Variants in IMPDH2 observed in about 807,000 individuals in gnomAD.
The protein encoded by IMPDH2 is inosine-5'-monophosphate dehydrogenase 2.
Under a neutral mutation model 57.8 loss-of-function variants are expected in IMPDH2, and 33 were observed. The ratio of observed to expected loss-of-function variants is 0.57; its 90% confidence interval spans 0.43 to 0.76. The LOEUF is 0.76. IMPDH2 is among the 30% of genes least tolerant of loss of function. The probability of loss-of-function intolerance (pLI) is 0.00; values close to 1 mark genes in which losing one functional copy is unlikely to be tolerated. For missense variants in IMPDH2, 446 were observed against 659.1 expected, an observed-to-expected ratio of 0.68 and a Z score of 3.54; for synonymous variants, 270 against 241.3, an observed-to-expected ratio of 1.12 and a Z score of -1.10.
chr3:49,026,343 G>A lies in IMPDH2; in HGVS notation c.987C>T (p.Ser329=). Residue 329 remains serine (S), a synonymous_variant, in exon 9 of 14, where the codon TCC becomes TCT. Coordinates refer to ENST00000326739, the MANE Select transcript of IMPDH2 (RefSeq NM_000884.3). The part of the protein sequence containing the change: ...DALRVGMGSG[S]ICITQEVLAC... ...TCTTACCTTCCTGCGTAATGCAGAT[G>A]GAGCCACTTCCCATGCCCACCCGCA... 6.2e-7 allele frequency: 1 copy of A among 1,612,152 alleles called. No individual in the cohort carries two copies. Among genetic ancestry groups the A allele is most frequent in the Non-Finnish European group, 8.5e-7 (1 of 1,178,900 alleles).
chr3:49,027,624 CTATCAGAGATGTCT>C, intron 5 of IMPDH2, 72 bp downstream of exon 5: 1 of 1,109,324 alleles, frequency 9.0e-7, no homozygotes, highest in Non-Finnish European at 1.4e-6. Context: ...AGAGAAGAGG[CTATCAGAGATGTCT>C]TAGACAACAG....
At position 49,026,391 on chromosome 3, in the gene IMPDH2, G is replaced by C. The variant is rs2093199648; in HGVS notation, c.939C>G (p.Leu313=). 6.2e-7 allele frequency: 1 copy of C among 1,613,762 alleles called. No individual in the cohort carries two copies. The highest frequency in any genetic ancestry group is 1.1e-5 in the South Asian group (1 of 90,984). The part of the protein sequence containing the change: ...NVVTAAQAKN[L]IDAGVDALRV... Reference sequence around the variant, plus strand: ...GCAGGGCATCCACACCTGCATCAATGAGGTTCTTGGCCTGGGCAGCAGTGA... The same window carrying C: ...GCAGGGCATCCACACCTGCATCAATCAGGTTCTTGGCCTGGGCAGCAGTGA... The change falls in exon 9 of 14, where the codon CTC becomes CTG. Residue 313 remains leucine, a synonymous_variant. Transcript: ENST00000326739.
chr3:49,027,599 A>G (rs1392270679), intron 5 of IMPDH2, 111 bp downstream of exon 5: 2 of 936,818 alleles, frequency 2.1e-6, no homozygotes, highest in Non-Finnish European at 3.4e-6. Context: ...ACTTGGTTTG[A>G]CACTCCTTTC....
intron 9 of IMPDH2, chr3:49,025,471 C>T (rs2093194357): frequency 1.7e-6 from 1 of 601,920 alleles, no homozygotes; most frequent in South Asian, 1.9e-5. Flanking sequence ...TACTCACCCC[C>T]ACATGTGCAC....
intron 9 of IMPDH2, chr3:49,026,073 AAAAC>A (rs1457673375): frequency 3.6e-5 from 22 of 608,712 alleles, no homozygotes; most frequent in African/African-American, 1.1e-4. Flanking sequence ...GCCACTAAAT[AAAAC>A]AAACAGACCA....
chr3:49,029,224 T>C, intron 1 of IMPDH2, 29 bp downstream of exon 1: 1 of 1,544,662 alleles, frequency 6.5e-7, no homozygotes, highest in Non-Finnish European at 8.8e-7. Context: ...GCCCCTCTCT[T>C]CGCCCAGGTG....
chr3:49,028,976 C>G (rs1158651006), intron 1 of IMPDH2, 170 bp from the exon 2 acceptor site: 3 of 673,600 alleles, frequency 4.5e-6, no homozygotes, highest in Non-Finnish European at 8.1e-6. Context: ...GGGACCTTTT[C>G]TGCCACCGAG....
At chr3:49,028,903 C>G in intron 1 of IMPDH2, 97 bp from the exon 2 acceptor site, 1 of 950,618 alleles carries the variant, frequency 1.1e-6, no homozygotes, top group Non-Finnish European at 1.7e-6. Flanking sequence ...CGCATGTGAG[C>G]AGAGAGTGGC....
rs2093192810 is a variant in IMPDH2 at position 49,025,173 on chromosome 3, TG to T, written c.1102del (p.Gln368LysfsTer18). ...GVPVIADGGI[Q>X]NVGHIAKALA... Reference sequence around the variant, plus strand: ...GGCTTTCGCAATATGACCCACATTTTGGATTCCTCCATCAGCAATGACCGGA... The same window carrying T: ...GGCTTTCGCAATATGACCCACATTTTGATTCCTCCATCAGCAATGACCGGA... On this transcript the variant is annotated frameshift_variant, in exon 10 of 14. Transcript: ENST00000326739. LOFTEE classifies it high-confidence loss of function. The T allele has an allele frequency of 6.2e-7, 1 of 1,614,130 alleles. No individual in the cohort carries two copies. Among genetic ancestry groups the T allele is most frequent in the African/African-American group, 1.3e-5 (1 of 74,944 alleles).
chr3:49,027,629 A>T, intron 5 of IMPDH2, 81 bp downstream of exon 5: 1 of 1,163,626 alleles, frequency 8.6e-7, no homozygotes, highest in Non-Finnish European at 1.3e-6. Context: ...AGAGGCTATC[A>T]GAGATGTCTT....
chr3:49,024,867 G>A, intron 11 of IMPDH2, 29 bp downstream of exon 11: 2 of 1,614,230 alleles, frequency 1.2e-6, no homozygotes, highest in Non-Finnish European at 1.7e-6. Flanking sequence ...TGCAGGATTA[G>A]GGTGGGGTAA....
Position 49,024,589 on chromosome 3 carries a change from G to C in IMPDH2, c.1440-11C>G. On this transcript the variant is annotated splice_polypyrimidine_tract_variant and intron_variant, in intron 12 of 13. Coordinates refer to ENST00000326739, the MANE Select transcript of IMPDH2 (RefSeq NM_000884.3). ...GAGTACATCATGGCTCTGAAGAAGG[G>C]CAGAGGTCAAATGTGGGTAGCTGGC... 1 of 1,614,178 alleles carries C rather than the reference G, an allele frequency of 6.2e-7. No homozygotes were observed. The highest frequency in any genetic ancestry group is 1.1e-5 in the South Asian group (1 of 91,082).
rs368754388 is a variant in IMPDH2, at chr3:49,025,109, C to G, written c.1150+17G>C. The G allele has an allele frequency of 6.2e-7, 1 of 1,614,216 alleles. No homozygotes were observed. The highest frequency in any genetic ancestry group is 1.3e-5 in the African/African-American group (1 of 75,062). ...AGGGAGGGGGTCCCACTGGCCTTCA[C>G]GGGTACTGGGCCTCACCTGTGGAGG... is the stretch of plus-strand genomic sequence containing the variant. On this transcript the variant is annotated intron_variant, in intron 10 of 13. Coordinates refer to ENST00000326739, the MANE Select transcript of IMPDH2 (RefSeq NM_000884.3).
Position 49,027,180 on chromosome 3 carries a change from G to A in IMPDH2, c.532-133C>T. 3 of 726,760 alleles carry A rather than the reference G, an allele frequency of 4.1e-6. No individual in the cohort carries two copies. The South Asian group carries it at 4.6e-5, about 11-fold the overall frequency. 45.0% of individuals were successfully genotyped at this position (726,760 alleles called of 1,614,324 possible). On this transcript the variant is annotated intron_variant, in intron 5 of 13. Coordinates refer to ENST00000326739, the MANE Select transcript of IMPDH2 (RefSeq NM_000884.3). The stretch of plus-strand genomic sequence containing the variant: ...CAACTAATTTTTTGTATTTTTAGTA[G>A]AGACGGGGTTTCACCATGTTGGCCA...
At chr3:49,026,181 CATGTCACCCATCCAAGAGGCCA>C in intron 9 of IMPDH2, 121 bp downstream of exon 9, 2 of 701,202 alleles carry the variant, frequency 2.9e-6, no homozygotes, top group Non-Finnish European at 5.2e-6. Flanking sequence ...TGCTTCCAGC[CATGTCACCCATCCAAGAGGCCA>C]ATTTGGCCCC....
chr3:49,025,082 C>G, intron 10 of IMPDH2, 42 bp from the exon 11 acceptor site: 2 of 1,614,206 alleles, frequency 1.2e-6, no homozygotes, highest in Non-Finnish European at 8.5e-7. Context: ...CTAAGCAGCA[C>G]TAGGGAGGGG....
intron 4 of IMPDH2, 154 bp downstream of exon 4, chr3:49,028,094 G>T: frequency 1.3e-6 from 1 of 790,170 alleles, no homozygotes; most frequent in Non-Finnish European, 2.1e-6. Flanking sequence ...GTCTATTGCT[G>T]CTGCTTTAAG....
intron 9 of IMPDH2, among the ~76,000 whole-genome samples, chr3:49,025,815 A>C (rs1027875618): frequency 6.6e-6 from 1 of 152,214 alleles, no homozygotes; most frequent in East Asian, 1.9e-4. Context: ...GTCCTGCCCT[A>C]TCAGCACCCC....
Position 49,028,552 on chromosome 3 carries a change from CCA to C in IMPDH2, c.148-22_148-21del. 1 of 1,591,664 alleles carries C rather than the reference CCA, an allele frequency of 6.3e-7. No individual in the cohort carries two copies. The highest frequency in any genetic ancestry group is 1.1e-5 in the South Asian group (1 of 90,508). On this transcript the variant is annotated intron_variant, in intron 2 of 13. Coordinates refer to ENST00000326739, the MANE Select transcript of IMPDH2 (RefSeq NM_000884.3). ...CAGGTCCTGAGGAGACAAACGTCAA[CCA>C]GTGTGGGAAAGCATCCCTTACACCT...
Sources: allele counts gnomAD v4.1 joint callset (sites outside exome capture counted in the v4.1 genomes callset), GRCh38; gene constraint gnomAD v4.1.1; transcripts MANE v1.5; gene names NCBI Gene and HGNC (gene_info 2026-07-23, HGNC 2026-07-21).